Variants in MYBL1 observed in about 807,000 individuals in gnomAD.
MYBL1 encodes the protein MYB proto-oncogene like 1, also known as myb-related protein A.
Under a neutral mutation model 96.3 loss-of-function variants are expected in MYBL1, and 17 were observed. That is an observed-to-expected ratio of 0.18 (90% CI 0.12 to 0.26). The LOEUF is 0.26. MYBL1 is among the 10% of genes least tolerant of loss of function. The pLI is 1.00. For synonymous variants in MYBL1, 282 were observed against 292.7 expected (o/e 0.96, Z 0.37); for missense variants, 701 against 882.9 (o/e 0.79, Z 2.61).
At chr8:66,569,436 A>G (rs1808644290) in intron 12 of MYBL1, among the ~76,000 whole-genome samples, 1 of 148,692 alleles carries the variant, frequency 6.7e-6, no homozygotes, top group Admixed American at 6.8e-5. Context: ...TGCAACCTCT[A>G]CCTCCCAGGG....
chr8:66,585,569 C>T (rs1299800326), intron 8 of MYBL1, among the ~76,000 whole-genome samples: 3 of 152,004 alleles, frequency 2.0e-5, no homozygotes, highest in South Asian at 2.1e-4. Flanking sequence ...GGTGAAACCT[C>T]GTCTCTCCTA....
In MYBL1 at chr8:66,593,101, C is replaced by T. The variant is rs754022776; in HGVS notation, c.762+19G>A. The T allele has an allele frequency of 9.4e-6, 14 of 1,490,266 alleles. No individual in the cohort carries two copies. Among genetic ancestry groups the T allele is most frequent in the Admixed American group, 2.0e-5 (1 of 49,976 alleles). 92.3% of individuals were successfully genotyped at this position (1,490,266 alleles called of 1,614,324 possible). A position where few individuals can be genotyped will look rare whatever the true frequency, so the allele number is the denominator to read the frequency against. ...GACTGAACACATTTCCTTTGGTTTT[C>T]GTTATAAATAAAAGTTACCTGAATA... is the stretch of plus-strand genomic sequence containing the variant. On this transcript the variant is annotated intron_variant, in intron 7 of 15. Transcript: ENST00000522677.
rs1347819613 is a variant in MYBL1 at position 66,564,025 on chromosome 8, C to T, written c.*672G>A. On this transcript the variant is annotated 3_prime_UTR_variant, in exon 16 of 16. Coordinates refer to ENST00000522677, the MANE Select transcript of MYBL1 (RefSeq NM_001080416.4). ...AGTTCTCCTGCTCCTACATACTGTACAATACATTCAACAAAACTCTCAGCT... is the reference window on the plus strand; with the variant it reads ...AGTTCTCCTGCTCCTACATACTGTATAATACATTCAACAAAACTCTCAGCT... The T allele has an allele frequency of 6.6e-6, 1 of 152,364 alleles. No individual in the cohort carries two copies. The highest frequency in any genetic ancestry group is 1.5e-5 in the Non-Finnish European group (1 of 67,910). The allele number at this position is 152,364 out of a possible 1,614,324, so 9.4% of individuals were successfully genotyped here.
At chr8:66,612,570 C>T (rs1403344047) in intron 1 of MYBL1, 1 of 403,624 alleles carries the variant, frequency 2.5e-6, no homozygotes, top group African/African-American at 2.1e-5. Context: ...TCTGGACGCG[C>T]ATTACGGGGA....
rs913362942 is a variant in MYBL1 at position 66,563,397 on chromosome 8, C to T, written c.*1300G>A. ...ACTGAAAAAAAATTACATATAATCT[C>T]TACCACAAAAGCAAATAAAAATTCT... is the stretch of plus-strand genomic sequence containing the variant. On this transcript the variant is annotated 3_prime_UTR_variant, in exon 16 of 16. Coordinates refer to ENST00000522677, the MANE Select transcript of MYBL1 (RefSeq NM_001080416.4). The T allele has an allele frequency of 6.6e-6, 1 of 152,504 alleles. No homozygotes were observed. The highest frequency in any genetic ancestry group is 6.6e-5 in the Admixed American group (1 of 15,260). The allele number at this position is 152,504 out of a possible 1,614,324, so 9.4% of individuals were successfully genotyped here. A position where few individuals can be genotyped will look rare whatever the true frequency, so the allele number is the denominator to read the frequency against.
At chr8:66,592,318 A>G (rs1204073335) in intron 8 of MYBL1, 122 bp downstream of exon 8, 1 of 686,004 alleles carries the variant, frequency 1.5e-6, no homozygotes, top group Non-Finnish European at 2.4e-6. Flanking sequence ...AAAAAAAAAC[A>G]AAACTATTTT....
intron 1 of MYBL1, among the ~76,000 whole-genome samples, chr8:66,609,901 A>G (rs191060170): frequency 6.0e-4 from 92 of 152,122 alleles, no homozygotes; most frequent in African/African-American, 2.1e-3. Flanking sequence ...ATCAGTTCTC[A>G]TATTTCAGTA....
At chr8:66,604,821 C>A (rs1810247336) in intron 1 of MYBL1, among the ~76,000 whole-genome samples, 1 of 152,052 alleles carries the variant, frequency 6.6e-6, no homozygotes, top group Non-Finnish European at 1.5e-5. Context: ...AAGGATGACT[C>A]CAAAGTTTCT....
chr8:66,580,049 G>T, intron 9 of MYBL1, 84 bp downstream of exon 9: 1 of 1,006,784 alleles, frequency 9.9e-7, no homozygotes, highest in Non-Finnish European at 1.5e-6. Flanking sequence ...ACATAAAACT[G>T]GTCAATGTCC....
intron 1 of MYBL1, among the ~76,000 whole-genome samples, chr8:66,604,822 C>T (rs1297997128): frequency 2.6e-5 from 4 of 152,020 alleles, no homozygotes; most frequent in African/African-American, 9.7e-5. Flanking sequence ...AGGATGACTC[C>T]AAAGTTTCTG....
At position 66,580,232 on chromosome 8, in the gene MYBL1, C is replaced by G. The variant is rs745706864; in HGVS notation, c.1002G>C (p.Gln334His). 15 of 1,613,846 alleles carry G rather than the reference C, an allele frequency of 9.3e-6. No individual in the cohort carries two copies. The highest frequency in any genetic ancestry group is 1.3e-5 in the Non-Finnish European group (15 of 1,179,882). Residue 334 changes from glutamine to histidine, a missense_variant, in exon 9 of 16, where the codon CAG becomes CAC. Physicochemically the swap from Gln to His is conservative, Grantham distance 24. Coordinates refer to ENST00000522677, the MANE Select transcript of MYBL1 (RefSeq NM_001080416.4). ...CGGCCAGGAACTTTGTGGGTGAATT[C>G]TGCTGAGCAGACACAGGCTGATTTT... ...MDENQPVSAQ[Q>H]NSPTKFLAVE...
intron 12 of MYBL1, among the ~76,000 whole-genome samples, chr8:66,567,651 G>A (rs1229525701): frequency 6.6e-6 from 1 of 152,000 alleles, no homozygotes; most frequent in Non-Finnish European, 1.5e-5. Context: ...TGTCAAATAG[G>A]TAAGCACAAC....
At chr8:66,584,873 T>TA (rs557095843) in intron 8 of MYBL1, among the ~76,000 whole-genome samples, 8 of 151,266 alleles carry the variant, frequency 5.3e-5, no homozygotes, top group African/African-American at 1.5e-4. Context: ...AAAACACTGA[T>TA]AAAAAAAATT....
Position 66,571,177 on chromosome 8 carries a change from A to G in MYBL1, c.1728+1305T>C, listed in dbSNP as rs565292806. Among the ~76,000 whole-genome samples the G allele has an allele frequency of 3.9e-5, 6 of 152,368 alleles. No individual in the cohort carries two copies. The East Asian group carries it at 9.6e-4, about 24-fold the overall frequency. ...TCTAAAGAACTTGTCAGAAATCTGT[A>G]TCTGCCTAAAATGCCCATCACTGTT... On this transcript the variant is annotated intron_variant, in intron 12 of 15. Transcript: ENST00000522677.
At chr8:66,572,341 C>T in intron 12 of MYBL1, 141 bp downstream of exon 12, 1 of 458,070 alleles carries the variant, frequency 2.2e-6, no homozygotes, top group South Asian at 3.9e-5. Context: ...AAAAAAAAAA[C>T]CTTGAAAATC....
intron 10 of MYBL1, among the ~76,000 whole-genome samples, chr8:66,573,712 G>A (rs570593276): frequency 2.2e-4 from 33 of 152,114 alleles, no homozygotes; most frequent in African/African-American, 8.0e-4. Context: ...CCAGCTCTTA[G>A]AACAGTGTTT....
chr8:66,583,744 C>T (rs1303971712), intron 8 of MYBL1, among the ~76,000 whole-genome samples: 4 of 152,092 alleles, frequency 2.6e-5, no homozygotes. Context: ...ATAGATATAA[C>T]CTATCAAGAT....
intron 10 of MYBL1, among the ~76,000 whole-genome samples, chr8:66,574,011 T>C (rs939865781): frequency 6.6e-6 from 1 of 151,718 alleles, no homozygotes; most frequent in African/African-American, 2.4e-5. Flanking sequence ...AATTTGCCTA[T>C]CTAGAACACA....
At chr8:66,594,490 C>T (rs1296758082) in intron 6 of MYBL1, among the ~76,000 whole-genome samples, 2 of 151,906 alleles carry the variant, frequency 1.3e-5, no homozygotes, top group Non-Finnish European at 2.9e-5. Flanking sequence ...AAGAAATATC[C>T]TCATCTTTCC....
Sources: gnomAD v4.1 joint callset for allele counts (sites outside exome capture counted in the v4.1 genomes callset) on GRCh38, gnomAD v4.1.1 for gene constraint, MANE v1.5 for transcripts, NCBI Gene and HGNC (gene_info 2026-07-23, HGNC 2026-07-21) for gene names.